The following MRPL21 variants were observed in gnomAD, a reference collection of about 807,000 sequenced individuals.
MRPL21 encodes large ribosomal subunit protein bL21m.
MRPL21 carries 20 observed loss-of-function variants against 27.3 expected under a neutral mutation model. That is an observed-to-expected ratio of 0.73 (90% CI 0.52 to 1.06). The LOEUF is 1.06. Ranked by LOEUF, MRPL21 falls within the 50% of genes least tolerant of loss-of-function variation. MRPL21 has a pLI of 0.00. For synonymous variants in MRPL21, 98 were observed against 101.5 expected, an observed-to-expected ratio of 0.97 and a Z score of 0.21; for missense variants, 249 against 251.4, an observed-to-expected ratio of 0.99 and a Z score of 0.06.
chr11:68,899,351 G>C (rs182773803), intron 2 of MRPL21, among the ~76,000 whole-genome samples: 2 of 152,310 alleles, frequency 1.3e-5, no homozygotes, highest in East Asian at 3.9e-4. Context: ...AAAACGACTT[G>C]CTCCATATGC....
At chr11:68,891,926 A>C in intron 6 of MRPL21, 1 of 551,686 alleles carries the variant, frequency 1.8e-6, no homozygotes, top group Non-Finnish European at 2.9e-6. Context: ...ATCCCTCAGG[A>C]TGCCCACTAT....
In MRPL21 at chr11:68,891,359, C is replaced by T. The variant is rs780865180; in HGVS notation, c.590G>A (p.Ser197Asn). 4 of 1,613,968 alleles carry T rather than the reference C, an allele frequency of 2.5e-6. No homozygotes were observed. In the East Asian group the frequency reaches 6.7e-5, roughly 27 times the overall value. The change falls in exon 7 of 7, where the codon AGC becomes AAC. Residue 197 changes from serine to asparagine, a missense_variant. Coordinates refer to ENST00000362034, the MANE Select transcript of MRPL21 (RefSeq NM_181514.2). ...TTPQTVLRIN[S>N]IEIAPCLL is the part of the protein sequence containing the mutation. ...CAACAAACACGGAGCAATCTCAATGCTGTTTATCCGGAGGACAGTCTGCGG... is the reference window on the plus strand; with the variant it reads ...CAACAAACACGGAGCAATCTCAATGTTGTTTATCCGGAGGACAGTCTGCGG...
rs552645 is a variant in MRPL21, at chr11:68,897,417, C to T, written c.232+510G>A. On this transcript the variant is annotated intron_variant, in intron 3 of 6. Coordinates refer to ENST00000362034, the MANE Select transcript of MRPL21 (RefSeq NM_181514.2). ...TCTTGGCAGACTTGTTTCACTCGCACGGAATCTCAAACGGTATTTAACATA... is the reference window on the plus strand; with the variant it reads ...TCTTGGCAGACTTGTTTCACTCGCATGGAATCTCAAACGGTATTTAACATA... 1.9e-3 allele frequency among the ~76,000 whole-genome samples: 294 copies of T among 152,318 alleles called. 2 individuals carry two copies. Among genetic ancestry groups the T allele is most frequent in the Non-Finnish European group, 1.8e-3 (125 of 68,034 alleles).
intron 5 of MRPL21, chr11:68,893,197 C>A: frequency 7.3e-7 from 1 of 1,361,074 alleles, no homozygotes; most frequent in East Asian, 2.5e-5. Context: ...GAGGACCACA[C>A]TGTCATGAAA....
At chr11:68,901,679 G>A (rs554549723) in intron 1 of MRPL21, among the ~76,000 whole-genome samples, 4 of 152,190 alleles carry the variant, frequency 2.6e-5, no homozygotes, top group Non-Finnish European at 5.9e-5. Flanking sequence ...CCATTCCTCT[G>A]GTGACTGCAT....
At chr11:68,902,243 G>A (rs954085433) in intron 1 of MRPL21, among the ~76,000 whole-genome samples, 4 of 152,222 alleles carry the variant, frequency 2.6e-5, no homozygotes, top group African/African-American at 9.7e-5. Flanking sequence ...CTTGAACATA[G>A]CATTGGAGGG....
chr11:68,899,269 A>T (rs1448242680), intron 2 of MRPL21, among the ~76,000 whole-genome samples: 4 of 152,182 alleles, frequency 2.6e-5, no homozygotes, highest in Non-Finnish European at 5.9e-5. Context: ...AACCGTTTTT[A>T]AGCTTTTATT....
intron 3 of MRPL21, among the ~76,000 whole-genome samples, chr11:68,897,033 C>G (rs915070157): frequency 6.6e-5 from 10 of 152,204 alleles, no homozygotes; most frequent in African/African-American, 2.4e-4. Flanking sequence ...AAACCCTCCA[C>G]CTGGTTCATT....
intron 4 of MRPL21, among the ~76,000 whole-genome samples, chr11:68,895,792 C>T (rs549085513): frequency 2.5e-4 from 38 of 152,314 alleles, no homozygotes; most frequent in African/African-American, 8.9e-4. Context: ...ACTTCAGCCC[C>T]ACAAATAGCT....
intron 1 of MRPL21, among the ~76,000 whole-genome samples, chr11:68,901,800 CACTCG>C (rs1210394074): frequency 6.6e-6 from 1 of 152,180 alleles, no homozygotes; most frequent in African/African-American, 2.4e-5. Flanking sequence ...CTGCCTTAGC[CACTCG>C]TGTCTGACGA....
chr11:68,893,102 A>C (rs1350111056), intron 5 of MRPL21, 109 bp from the exon 6 acceptor site: 12 of 1,372,524 alleles, frequency 8.7e-6, no homozygotes, highest in Middle Eastern at 2.6e-4. Context: ...TGATTATAAA[A>C]GTAATACGCC....
At chr11:68,891,521 C>T (rs935716515) in intron 6 of MRPL21, 126 bp from the exon 7 acceptor site, 19 of 883,004 alleles carry the variant, frequency 2.2e-5, no homozygotes, top group African/African-American at 1.5e-4. Context: ...TGCACATGGC[C>T]GTGTTTATCT....
intron 5 of MRPL21, 120 bp from the exon 6 acceptor site, chr11:68,893,113 C>T: frequency 1.5e-6 from 2 of 1,353,104 alleles, no homozygotes; most frequent in Non-Finnish European, 2.0e-6. Context: ...GTAATACGCC[C>T]TCAATGGAAA....
At chr11:68,897,891 G>T in intron 3 of MRPL21, 36 bp downstream of exon 3, 1 of 1,525,776 alleles carries the variant, frequency 6.6e-7, no homozygotes, top group Non-Finnish European at 9.1e-7. Context: ...GGTCTAGGTG[G>T]TGCCCTCTAG....
Position 68,892,870 on chromosome 11 carries a change from C to T in MRPL21, c.553+20G>A, listed in dbSNP as rs369878980. 65 of 1,604,300 alleles carry T rather than the reference C, an allele frequency of 4.1e-5. No individual in the cohort carries two copies. In the African/African-American group the frequency reaches 5.1e-4, roughly 13 times the overall value. ...ACCAGCACCGTGCAACAGGGCCCAG[C>T]GGTACTTTCTCTAACTTACTTCTTT... On this transcript the variant is annotated intron_variant, in intron 6 of 6. Coordinates refer to ENST00000362034, the MANE Select transcript of MRPL21 (RefSeq NM_181514.2).
intron 1 of MRPL21, among the ~76,000 whole-genome samples, chr11:68,902,291 A>G (rs1857964472): frequency 6.6e-6 from 1 of 152,228 alleles, no homozygotes; most frequent in Admixed American, 6.5e-5. Context: ...AGTAAGTCCC[A>G]CTGCTTTTGT....
intron 6 of MRPL21, chr11:68,892,601 C>A (rs1207163226): frequency 7.5e-7 from 1 of 1,330,794 alleles, no homozygotes; most frequent in African/African-American, 2.0e-5. Context: ...GAGGTGGGGT[C>A]ACGCGCGGAG....
intron 4 of MRPL21, 33 bp from the exon 5 acceptor site, chr11:68,893,488 G>A: frequency 6.2e-7 from 1 of 1,613,960 alleles, no homozygotes. Flanking sequence ...TTCATCAGTG[G>A]CTCATTACGA....
chr11:68,896,331 T>C, intron 4 of MRPL21, 184 bp downstream of exon 4: 1 of 707,080 alleles, frequency 1.4e-6, no homozygotes, highest in Non-Finnish European at 2.4e-6. Flanking sequence ...AGTGGAAGCC[T>C]GCCCTGCCCT....
Sources: gnomAD v4.1 joint callset for allele counts (sites outside exome capture counted in the v4.1 genomes callset) on GRCh38, gnomAD v4.1.1 for gene constraint, MANE v1.5 for transcripts, NCBI Gene and HGNC (gene_info 2026-07-23, HGNC 2026-07-21) for gene names.